Variants in SAV1 observed in about 807,000 individuals in gnomAD.
The protein encoded by SAV1 is salvador family WW domain containing protein 1.
A neutral mutation model predicts 47.3 loss-of-function variants in SAV1; 23 were observed. The ratio of observed to expected loss-of-function variants is 0.49; its 90% CI spans 0.35 to 0.69. SAV1 has a LOEUF of 0.69. Among genes scored for constraint, SAV1 ranks in the 30% least tolerant of loss-of-function variants. The pLI, the probability that SAV1 is intolerant of heterozygous loss-of-function variation, is 0.01. For missense variants in SAV1, 448 were observed against 457.4 expected (o/e 0.98, Z 0.19); for synonymous variants, 155 against 159.2 (o/e 0.97, Z 0.20).
At chr14:50,639,835 G>C (rs2039667230) in intron 4 of SAV1, among the ~76,000 whole-genome samples, 3 of 152,124 alleles carry the variant, frequency 2.0e-5, no homozygotes, top group South Asian at 4.1e-4. Context: ...TATTCTTCCA[G>C]ATTTAAGGAA....
chr14:50,659,860 GAGA>G (rs1392121760), intron 2 of SAV1, among the ~76,000 whole-genome samples: 2 of 152,028 alleles, frequency 1.3e-5, no homozygotes, highest in Non-Finnish European at 1.5e-5. Context: ...GAAAATAGAA[GAGA>G]AGAACAAGAA....
chr14:50,650,316 GTACTA>G (rs1203781536), intron 2 of SAV1, among the ~76,000 whole-genome samples: 1 of 152,120 alleles, frequency 6.6e-6, no homozygotes, highest in African/African-American at 2.4e-5. Flanking sequence ...ACAGAACAGA[GTACTA>G]TATTATATAG....
intron 3 of SAV1, among the ~76,000 whole-genome samples, chr14:50,644,072 T>C (rs2039701307): frequency 6.6e-6 from 1 of 152,230 alleles, no homozygotes; most frequent in African/African-American, 2.4e-5. Context: ...TTTATGTACT[T>C]TGAAATCCAG....
rs745465657 is a variant in SAV1 at position 50,644,864 on chromosome 14, T to C, written c.686A>G (p.His229Arg). Residue 229 changes from histidine to arginine, a missense_variant, in exon 3 of 5, where the codon CAT (histidine) becomes CGT (arginine). Transcript: ENST00000324679. ...DHNTNTTHWSHPLEREGLPPG... is the reference protein window; with the variant it reads ...DHNTNTTHWSRPLEREGLPPG... The stretch of plus-strand genomic sequence containing the variant: ...AGGAAGTCCTTCTCGCTCAAGAGGA[T>C]GGCTCCAGTGAGTTGTATTTGTGTT... The C allele has an allele frequency of 8.7e-6, 14 of 1,614,072 alleles. No individual in the cohort carries two copies. The East Asian group carries it at 3.1e-4, about 36-fold the overall frequency.
chr14:50,643,708 A>C (rs936385548), intron 3 of SAV1, among the ~76,000 whole-genome samples: 1 of 152,250 alleles, frequency 6.6e-6, no homozygotes, highest in Non-Finnish European at 1.5e-5. Context: ...CAACCTCAGT[A>C]GTTGAATAAA....
At chr14:50,656,545 C>A (rs537881601) in intron 2 of SAV1, among the ~76,000 whole-genome samples, 4 of 151,140 alleles carry the variant, frequency 2.6e-5, no homozygotes, top group Admixed American at 6.6e-5. Context: ...TGGGTTCATG[C>A]CATTCTCCTG....
chr14:50,667,795 C>G lies in SAV1; in HGVS notation c.94+79G>C, dbSNP rs758107072. On this transcript the variant is annotated intron_variant, in intron 1 of 4. Coordinates refer to ENST00000324679, the MANE Select transcript of SAV1 (RefSeq NM_021818.4). ...AAGGACGAAGGAGAAGCCCTGGAGA[C>G]CCGCCGGCGCCCCCGCCAGGGTCCC... 2.6e-6 allele frequency: 3 copies of G among 1,147,446 alleles called. No individual in the cohort carries two copies. In the African/African-American group the frequency reaches 4.7e-5, roughly 18 times the overall value. 71.1% of individuals were successfully genotyped at this position (1,147,446 alleles called of 1,614,324 possible).
intron 3 of SAV1, 76 bp from the exon 4 acceptor site, chr14:50,640,969 A>G: frequency 1.5e-6 from 2 of 1,371,650 alleles, no homozygotes; most frequent in South Asian, 3.2e-5. Context: ...AACAAATAAT[A>G]CTTAAGCATT....
chr14:50,643,680 G>A (rs1280073947), intron 3 of SAV1, among the ~76,000 whole-genome samples: 2 of 152,194 alleles, frequency 1.3e-5, no homozygotes, highest in Admixed American at 6.5e-5. Context: ...CCACAGGTTT[G>A]ATTCTTTCAA....
At chr14:50,664,794 TGTCAAGTGTCTCTGAGGACTCC>T (rs1325106787) in intron 2 of SAV1, 2 of 155,902 alleles carry the variant, frequency 1.3e-5, no homozygotes, top group East Asian at 1.9e-4. Flanking sequence ...TTCCCAAGTT[TGTCAAGTGTCTCTGAGGACTCC>T]GTCAAGTGTC....
Position 50,635,091 on chromosome 14 carries a change from C to T in SAV1, c.*92G>A. On this transcript the variant is annotated 3_prime_UTR_variant, in exon 5 of 5. Transcript: ENST00000324679. ...AATTTTATAATTTCCACAAAGGAAG[C>T]AGCATTTATTAACCAGAGTACTTGT... 2 of 810,512 alleles carry T rather than the reference C, an allele frequency of 2.5e-6. No homozygotes were observed. The highest frequency in any genetic ancestry group is 2.5e-5 in the Admixed American group (1 of 40,112). 50.2% of individuals were successfully genotyped at this position (810,512 alleles called of 1,614,324 possible). A position where few individuals can be genotyped will look rare whatever the true frequency, so the allele number is the denominator to read the frequency against.
At chr14:50,656,770 G>A (rs1052018255) in intron 2 of SAV1, among the ~76,000 whole-genome samples, 6 of 152,000 alleles carry the variant, frequency 3.9e-5, no homozygotes, top group Non-Finnish European at 7.4e-5. Context: ...AGCACAATGT[G>A]TGATATATTT....
intron 2 of SAV1, 93 bp from the exon 3 acceptor site, chr14:50,645,107 T>TG: frequency 9.6e-7 from 1 of 1,039,284 alleles, no homozygotes; most frequent in Non-Finnish European, 1.4e-6. Flanking sequence ...TTAACTATCC[T>TG]GATTGTACTC....
At chr14:50,635,960 G>C (rs959987907) in intron 4 of SAV1, among the ~76,000 whole-genome samples, 2 of 152,086 alleles carry the variant, frequency 1.3e-5, no homozygotes, top group Non-Finnish European at 2.9e-5. Flanking sequence ...GCCCACCTCA[G>C]CCTCCCAAAG....
intron 4 of SAV1, among the ~76,000 whole-genome samples, chr14:50,636,050 C>T (rs2039632208): frequency 6.6e-6 from 1 of 152,156 alleles, no homozygotes; most frequent in Non-Finnish European, 1.5e-5. Flanking sequence ...GCTAATATTA[C>T]TTCATTTCAA....
chr14:50,657,311 C>A (rs1424033241), intron 2 of SAV1, among the ~76,000 whole-genome samples: 1 of 152,128 alleles, frequency 6.6e-6, no homozygotes, highest in Non-Finnish European at 1.5e-5. Context: ...GGGAAATACT[C>A]ACTCTTACAA....
chr14:50,654,407 T>C (rs959312970), intron 2 of SAV1, among the ~76,000 whole-genome samples: 4 of 152,252 alleles, frequency 2.6e-5, no homozygotes, highest in Non-Finnish European at 5.9e-5. Context: ...AGTTTTATCA[T>C]GAGACCAGCA....
At chr14:50,653,613 G>A (rs1012083698) in intron 2 of SAV1, among the ~76,000 whole-genome samples, 2 of 152,160 alleles carry the variant, frequency 1.3e-5, no homozygotes, top group African/African-American at 4.8e-5. Context: ...GCTCACACCT[G>A]TAATCCCAGC....
At chr14:50,661,770 C>T (rs72681616) in intron 2 of SAV1, among the ~76,000 whole-genome samples, 36,005 of 152,056 alleles carry the variant, frequency 0.24, 4,568 homozygotes, top group African/African-American at 0.33. Flanking sequence ...TTCTGCATTA[C>T]CTATTTTTGT....
Sources: gnomAD v4.1 joint callset for allele counts (sites outside exome capture counted in the v4.1 genomes callset) on GRCh38, gnomAD v4.1.1 for gene constraint, MANE v1.5 for transcripts, NCBI Gene and HGNC (gene_info 2026-07-23, HGNC 2026-07-21) for gene names.